The following NCL variants were observed in gnomAD, a reference collection of about 807,000 sequenced individuals.
NCL encodes nucleolin multifunctional protein.
NCL carries 4 observed loss-of-function variants against 77.7 expected under a neutral mutation model. The observed-to-expected ratio is 0.05, with a 90% confidence interval of 0.03 to 0.12. The LOEUF is 0.12. NCL is among the 10% of genes least tolerant of loss of function. NCL has a pLI of 1.00. For missense variants in NCL, 763 were observed against 860.9 expected, an observed-to-expected ratio of 0.89 and a Z score of 1.42; for synonymous variants, 344 against 297.8, an observed-to-expected ratio of 1.16 and a Z score of -1.60.
intron 12 of NCL, 137 bp downstream of exon 12, chr2:231,455,850 ATAATGCTAGTTCTGTGAATTCTC>A (rs1559539937): frequency 7.7e-7 from 1 of 1,302,526 alleles, no homozygotes. Flanking sequence ...AGAAGGTAAA[ATAATGCTAGTTCTGTGAATTCTC>A]TCTTCTTCTC....
In NCL at chr2:231,461,812, G is replaced by A; in HGVS notation, c.341C>T (p.Pro114Leu). Residue 114 changes from proline to leucine, a missense_variant, in exon 3 of 14, where the codon CCA becomes CTA. This residue lies in a region of NCL where 590 missense variants were observed against 570.5 expected (regional missense o/e 1.03). Coordinates refer to ENST00000322723, the MANE Select transcript of NCL (RefSeq NM_005381.3). Reference sequence around the variant, plus strand: ...AGGAGTTGCTACCAATGCTTTGCCTGGTGTGGCTCCCTTCTTGCCAGGTGT... The same window carrying A: ...AGGAGTTGCTACCAATGCTTTGCCTAGTGTGGCTCCCTTCTTGCCAGGTGT... The part of the protein sequence containing the change: ...VTTPGKKGAT[P>L]GKALVATPGK... The A allele has an allele frequency of 6.2e-7, 1 of 1,613,518 alleles. No homozygotes were observed. Among genetic ancestry groups the A allele is most frequent in the African/African-American group, 1.3e-5 (1 of 75,052 alleles).
chr2:231,455,822 A>C (rs763333783), intron 12 of NCL, 188 bp downstream of exon 12: 20 of 1,183,728 alleles, frequency 1.7e-5, no homozygotes, highest in Non-Finnish European at 2.4e-5. Context: ...ATACAGCTAA[A>C]TATACCTCTG....
chr2:231,460,993 T>C (rs1405071193), intron 3 of NCL, 127 bp from the exon 4 acceptor site: 4 of 816,924 alleles, frequency 4.9e-6, no homozygotes, highest in Non-Finnish European at 8.1e-6. Flanking sequence ...AATAGATCAC[T>C]TGGGGCCGGG....
chr2:231,463,404 C>A (rs750788333), intron 1 of NCL, 88 bp from the exon 2 acceptor site: 4 of 845,784 alleles, frequency 4.7e-6, no homozygotes, highest in Non-Finnish European at 8.0e-6. Flanking sequence ...ACGCCATCAT[C>A]TCCGTCCTCA....
At chr2:231,462,386 T>C (rs1322156483) in intron 2 of NCL, 7 of 382,072 alleles carry the variant, frequency 1.8e-5, no homozygotes, top group Admixed American at 1.4e-4. Flanking sequence ...ACCTTACACA[T>C]AGGAGGCTCC....
At position 231,455,287 on chromosome 2, in the gene NCL, C is replaced by T; in HGVS notation, c.2057-20G>A. 2 of 1,614,074 alleles carry T rather than the reference C, an allele frequency of 1.2e-6. No individual in the cohort carries two copies. The highest frequency in any genetic ancestry group is 1.1e-5 in the South Asian group (1 of 91,072). On this transcript the variant is annotated intron_variant, in intron 13 of 13. Transcript: ENST00000322723. ...CTCGCCCTACAGGAGGAAGGCAAGACACTGTTAAAAGAATGGGTACAAAGC... is the reference window on the plus strand; with the variant it reads ...CTCGCCCTACAGGAGGAAGGCAAGATACTGTTAAAAGAATGGGTACAAAGC...
intron 7 of NCL, chr2:231,458,676 C>G: frequency 2.2e-6 from 1 of 465,052 alleles, no homozygotes; most frequent in Non-Finnish European, 3.8e-6. Flanking sequence ...AACATTACAA[C>G]TGTATATAGG....
intron 11 of NCL, 130 bp downstream of exon 11, chr2:231,456,501 C>G: frequency 7.2e-7 from 1 of 1,381,270 alleles, no homozygotes; most frequent in Non-Finnish European, 1.0e-6. Context: ...AATTATTTCT[C>G]AGGTAATCAG....
intron 7 of NCL, 131 bp downstream of exon 7, chr2:231,458,870 A>G (rs1241882441): frequency 9.8e-7 from 1 of 1,025,022 alleles, no homozygotes; most frequent in East Asian, 2.8e-5. Context: ...TAATTCCCAC[A>G]TTAAGAGGAA....
chr2:231,456,791 G>T, intron 10 of NCL, 27 bp from the exon 11 acceptor site: 1 of 1,612,192 alleles, frequency 6.2e-7, no homozygotes, highest in Non-Finnish European at 8.5e-7. Flanking sequence ...AATGCTTAGA[G>T]TAAGTTACCA....
intron 3 of NCL, 94 bp from the exon 4 acceptor site, chr2:231,460,960 GT>G: frequency 9.6e-7 from 1 of 1,045,966 alleles, no homozygotes. Flanking sequence ...CTGTCACCAT[GT>G]TTAGTTAACA....
intron 8 of NCL, 63 bp from the exon 9 acceptor site, chr2:231,457,863 C>T: frequency 1.4e-6 from 2 of 1,413,696 alleles, no homozygotes; most frequent in Non-Finnish European, 1.9e-6. Flanking sequence ...GCTTTTACCT[C>T]AGCAACACAG....
At chr2:231,459,490 T>C (rs1445571421) in intron 6 of NCL, among the ~76,000 whole-genome samples, 1 of 151,942 alleles carries the variant, frequency 6.6e-6, no homozygotes, top group Non-Finnish European at 1.5e-5. Flanking sequence ...TCCAAGAAAA[T>C]AAACATTATT....
At chr2:231,456,260 C>T in intron 11 of NCL, 124 bp from the exon 12 acceptor site, 1 of 1,200,258 alleles carries the variant, frequency 8.3e-7, no homozygotes, top group Non-Finnish European at 1.2e-6. Context: ...TTAAAAGCAA[C>T]TAAGCCAACT....
Position 231,455,546 on chromosome 2 carries a change from T to C in NCL, c.1911A>G (p.Gly637=). The part of the protein sequence containing the change: ...KEAMEDGEID[G]NKVTLDWAKP... ...TGGCCCAGTCCAAGGTAACTTTATT[T>C]CCATCAATTTCACCGTCTTCCATGG... is the stretch of plus-strand genomic sequence containing the variant. Residue 637 remains glycine, a synonymous_variant, in exon 13 of 14, where the codon GGA becomes GGG. Coordinates refer to ENST00000322723, the MANE Select transcript of NCL (RefSeq NM_005381.3). 1 of 1,614,184 alleles carries C rather than the reference T, an allele frequency of 6.2e-7. No homozygotes were observed. Among genetic ancestry groups the C allele is most frequent in the Non-Finnish European group, 8.5e-7 (1 of 1,180,036 alleles).
chr2:231,460,243 T>A lies in NCL; in HGVS notation c.949A>T (p.Asn317Tyr), dbSNP rs201016504. 1.7e-5 allele frequency: 27 copies of A among 1,614,080 alleles called. No individual in the cohort carries two copies. The highest frequency in any genetic ancestry group is 3.3e-5 in the Admixed American group (2 of 60,002). ...GTTTTTAATTCAGGAGCAGATTTGT[T>A]AAAGTTTAGGTTTCCAACAAAGAGA... ...FNLFVGNLNF[N>Y]KSAPELKTGI... Residue 317 changes from asparagine (N) to tyrosine (Y), a missense_variant, in exon 6 of 14, where the codon AAC becomes TAC. Physicochemically the swap from Asn to Tyr is moderately radical, Grantham distance 143 (BLOSUM62 -2). Transcript: ENST00000322723.
intron 13 of NCL, 48 bp downstream of exon 13, chr2:231,455,353 G>T: frequency 2.5e-6 from 4 of 1,613,348 alleles, no homozygotes; most frequent in Non-Finnish European, 1.7e-6. Context: ...AGGGCACAGG[G>T]TCTGAAGAGC....
chr2:231,460,742 ATCC>A lies in NCL; in HGVS notation c.735_737del (p.Glu245del). 1 of 1,611,724 alleles carries A rather than the reference ATCC, an allele frequency of 6.2e-7. No homozygotes were observed. Among genetic ancestry groups the A allele is most frequent in the South Asian group, 1.1e-5 (1 of 91,014 alleles). On this transcript the variant is annotated inframe_deletion, in exon 4 of 14. Transcript: ENST00000322723. ...CTTCATCATCTTCGTCGTCGTCGTCATCCTCGTCCTCATCATCCTCTTCTTCAT... is the reference window on the plus strand; with the variant it reads ...CTTCATCATCTTCGTCGTCGTCGTCATCGTCCTCATCATCCTCTTCTTCAT...
intron 6 of NCL, 125 bp downstream of exon 6, chr2:231,460,027 T>C (rs1160855970): frequency 2.6e-6 from 3 of 1,138,748 alleles, no homozygotes; most frequent in African/African-American, 1.6e-5. Flanking sequence ...AGTTCACTAA[T>C]GCTAATCCTT....
Sources: allele counts gnomAD v4.1 joint callset (sites outside exome capture counted in the v4.1 genomes callset), GRCh38; gene constraint gnomAD v4.1.1; regional missense constraint gnomAD v4.1.1; transcripts MANE v1.5; gene names NCBI Gene and HGNC (gene_info 2026-07-23, HGNC 2026-07-21).